Variants in PDE4D observed in about 807,000 individuals in gnomAD.
PDE4D encodes 3',5'-cyclic-AMP phosphodiesterase 4D.
A neutral mutation model predicts 87.4 loss-of-function variants in PDE4D; 24 were observed. The observed-to-expected ratio is 0.27, with a 90% CI of 0.20 to 0.39. The LOEUF (loss-of-function observed/expected upper bound fraction) is 0.39. Ranked by LOEUF, PDE4D falls within the 10% of genes least tolerant of loss-of-function variation. PDE4D has a pLI of 1.00. For synonymous variants in PDE4D, 384 were observed against 383.2 expected (o/e 1.00, Z -0.02); for missense variants, 714 against 1,041.0 (o/e 0.69, Z 4.32).
chr5:59,682,421 G>T (rs1263740406), intron 1 of PDE4D, among the ~76,000 whole-genome samples: 2 of 152,152 alleles, frequency 1.3e-5, no homozygotes, highest in African/African-American at 4.8e-5. Context: ...TGCCCAAGTT[G>T]TATGACCTGA....
chr5:60,359,767 G>A (rs1443017605), intron 1 of PDE4D, among the ~76,000 whole-genome samples: 1 of 152,056 alleles, frequency 6.6e-6, no homozygotes, highest in African/African-American at 2.4e-5. Context: ...TGCATTATCT[G>A]TGCACTAATA....
chr5:60,162,412 A>G (rs1248316313), intron 2 of PDE4D, among the ~76,000 whole-genome samples: 1 of 152,132 alleles, frequency 6.6e-6, no homozygotes, highest in African/African-American at 2.4e-5. Flanking sequence ...CTAAGGACCT[A>G]TTTAAAACCT....
At chr5:59,586,340 A>G (rs1237072491) in intron 1 of PDE4D, 4 of 1,610,926 alleles carry the variant, frequency 2.5e-6, no homozygotes, top group Admixed American at 1.7e-5. Flanking sequence ...ATATCCAGGA[A>G]TGCCTTCTAA....
At chr5:60,036,526 C>A (rs927430789) in intron 2 of PDE4D, among the ~76,000 whole-genome samples, 82 of 152,214 alleles carry the variant, frequency 5.4e-4, no homozygotes, top group African/African-American at 2.0e-3. Context: ...TCAACTTTCT[C>A]TGCAAACTCC....
intron 3 of PDE4D, among the ~76,000 whole-genome samples, chr5:59,921,218 G>A (rs1210666579): frequency 6.6e-6 from 1 of 151,896 alleles, no homozygotes; most frequent in African/African-American, 2.4e-5. Context: ...TTATTATTAG[G>A]GTTGCTAAAA....
At position 59,439,315 on chromosome 5, in the gene PDE4D, G is replaced by A. The variant is rs553975764; in HGVS notation, c.456-223347C>T. On this transcript the variant is annotated intron_variant, in intron 1 of 14. Coordinates refer to ENST00000340635, the MANE Select transcript of PDE4D (RefSeq NM_001104631.2). ...CCAGAGGTTGCAGTGAGTGAAGATCGTGCCACTGCACTCCAACCTGGGTGA... is the reference window on the plus strand; with the variant it reads ...CCAGAGGTTGCAGTGAGTGAAGATCATGCCACTGCACTCCAACCTGGGTGA... Among the ~76,000 whole-genome samples the A allele has an allele frequency of 5.4e-5, 8 of 147,370 alleles. No homozygotes were observed. The East Asian group carries it at 6.0e-4, about 11-fold the overall frequency.
intron 2 of PDE4D, among the ~76,000 whole-genome samples, chr5:60,089,469 A>G (rs1440186744): frequency 1.3e-5 from 2 of 152,022 alleles, no homozygotes; most frequent in Non-Finnish European, 2.9e-5. Flanking sequence ...ATTAAAAAGG[A>G]AATTTAAAAA....
chr5:59,685,497 T>A (rs1472263832), intron 1 of PDE4D, among the ~76,000 whole-genome samples: 1 of 152,192 alleles, frequency 6.6e-6, no homozygotes, highest in Admixed American at 6.5e-5. Flanking sequence ...AATAATCTAA[T>A]CATGAAACAC....
chr5:59,082,344 G>A (rs1034574308), intron 5 of PDE4D, among the ~76,000 whole-genome samples: 11 of 152,014 alleles, frequency 7.2e-5, no homozygotes, highest in African/African-American at 2.2e-4. Flanking sequence ...AAATTCTAAC[G>A]TAAGCAACCA....
chr5:59,755,584 A>T (rs1009501315), intron 1 of PDE4D, among the ~76,000 whole-genome samples: 12 of 152,260 alleles, frequency 7.9e-5, no homozygotes, highest in African/African-American at 2.9e-4. Context: ...TGTAGAAATC[A>T]GCCTTGTGCA....
chr5:60,506,596 A>ATT (rs950370525), intron 1 of PDE4D, among the ~76,000 whole-genome samples: 1 of 151,572 alleles, frequency 6.6e-6, no homozygotes, highest in South Asian at 2.1e-4. Flanking sequence ...AGAATTTAGT[A>ATT]TTTTTTTTTA....
chr5:59,458,870 C>A (rs1164133988), intron 1 of PDE4D, among the ~76,000 whole-genome samples: 2 of 152,146 alleles, frequency 1.3e-5, no homozygotes, highest in Non-Finnish European at 1.5e-5. Flanking sequence ...CTTCCCCAAT[C>A]TCATATTTTA....
chr5:59,129,488 C>A (rs933481423), intron 5 of PDE4D, among the ~76,000 whole-genome samples: 6 of 152,170 alleles, frequency 3.9e-5, no homozygotes, highest in African/African-American at 1.4e-4. Flanking sequence ...GCTCCCTGAG[C>A]CCAGCCATCA....
At chr5:59,480,705 A>G (rs1427277622) in intron 1 of PDE4D, among the ~76,000 whole-genome samples, 2 of 152,168 alleles carry the variant, frequency 1.3e-5, no homozygotes, top group African/African-American at 2.4e-5. Context: ...TATCTTTCCA[A>G]TAAGTCTCTT....
At chr5:58,984,176 A>G (rs1300935124) in intron 11 of PDE4D, among the ~76,000 whole-genome samples, 1 of 152,244 alleles carries the variant, frequency 6.6e-6, no homozygotes, top group African/African-American at 2.4e-5. Context: ...ACATTTCTCC[A>G]TGAAATGACA....
chr5:60,452,341 G>C (rs185842993), intron 1 of PDE4D, among the ~76,000 whole-genome samples: 14 of 152,218 alleles, frequency 9.2e-5, no homozygotes, highest in Non-Finnish European at 1.6e-4. Flanking sequence ...ATTGGGAAAA[G>C]GTTGGACTGC....
chr5:60,125,558 C>A (rs1332462759), intron 2 of PDE4D, among the ~76,000 whole-genome samples: 2 of 151,960 alleles, frequency 1.3e-5, no homozygotes, highest in South Asian at 2.1e-4. Flanking sequence ...TGTACTCCTG[C>A]AGAAATGTCT....
chr5:59,367,034 G>A (rs907533511), intron 1 of PDE4D, among the ~76,000 whole-genome samples: 1 of 152,190 alleles, frequency 6.6e-6, no homozygotes, highest in Non-Finnish European at 1.5e-5. Context: ...CTGCAGAATC[G>A]TGGAAGAAGC....
chr5:59,857,701 ACT>A (rs1745647484), intron 1 of PDE4D, among the ~76,000 whole-genome samples: 1 of 151,976 alleles, frequency 6.6e-6, no homozygotes, highest in African/African-American at 2.4e-5. Flanking sequence ...TATCAGCCAG[ACT>A]CTGTTTCTAA....
Sources: gnomAD v4.1 joint callset for allele counts (sites outside exome capture counted in the v4.1 genomes callset) on GRCh38, gnomAD v4.1.1 for gene constraint, MANE v1.5 for transcripts, NCBI Gene and HGNC (gene_info 2026-07-23, HGNC 2026-07-21) for gene names.